Variants in ZNF749 observed in about 807,000 individuals in gnomAD.
ZNF749 encodes zinc finger protein 749.
Under a neutral mutation model 7.3 loss-of-function variants are expected in ZNF749, and 8 were observed. The observed-to-expected ratio is 1.10, with a 90% CI of 0.64 to 1.98. The LOEUF is 1.98. ZNF749 is among the 30% of genes most tolerant of loss of function. The pLI is 0.00. For missense variants in ZNF749, 898 were observed against 932.4 expected, an observed-to-expected ratio of 0.96 and a Z score of 0.48; for synonymous variants, 310 against 322.4, an observed-to-expected ratio of 0.96 and a Z score of 0.41.
At chr19:57,432,134 A>G (rs1034110383), upstream of ZNF749, among the ~76,000 whole-genome samples, 5 of 151,850 alleles carry the variant, frequency 3.3e-5, no homozygotes, top group African/African-American at 4.8e-5. Flanking sequence ...CGCCCAGCCT[A>G]TGCTTGAGTT....
chr19:57,435,649 C>A, intron 1 of ZNF749, 56 bp downstream of exon 1: 2 of 1,582,326 alleles, frequency 1.3e-6, no homozygotes, highest in Non-Finnish European at 8.6e-7. Context: ...TGCTGAAGTC[C>A]CAAGGAGCCG....
At chr19:57,432,600 A>C, upstream of ZNF749, among the ~76,000 whole-genome samples, 1 of 151,044 alleles carries the variant, frequency 6.6e-6, no homozygotes, top group Non-Finnish European at 1.5e-5. Context: ...GGGGGACTAA[A>C]CAGAGTCTAA....
At position 57,442,323 on chromosome 19, in the gene ZNF749, A is replaced by C. The variant is rs1485475117; in HGVS notation, c.142+312A>C. Among the ~76,000 whole-genome samples the C allele has an allele frequency of 6.6e-6, 1 of 152,138 alleles. No homozygotes were observed. The highest frequency in any genetic ancestry group is 1.5e-5 in the Non-Finnish European group (1 of 68,030). On this transcript the variant is annotated intron_variant, in intron 2 of 2. Transcript: ENST00000334181. The surrounding 1 kb of genome is among the most constrained non-coding windows in gnomAD (Gnocchi z 6.6). ...TTGATTACTCTGTCCAAATGTGTGAAACCTCTGTCCAAGGGTTTCCCTGTT... is the reference window on the plus strand; with the variant it reads ...TTGATTACTCTGTCCAAATGTGTGACACCTCTGTCCAAGGGTTTCCCTGTT...
upstream of ZNF749, among the ~76,000 whole-genome samples, chr19:57,434,906 T>C (rs1004449259): frequency 6.6e-6 from 1 of 152,224 alleles, no homozygotes; most frequent in Non-Finnish European, 1.5e-5. Flanking sequence ...CAGTTCATTA[T>C]GGTCAGCCAT....
At chr19:57,433,286 T>G (rs1436022251), upstream of ZNF749, among the ~76,000 whole-genome samples, 3 of 152,206 alleles carry the variant, frequency 2.0e-5, no homozygotes, top group Admixed American at 2.0e-4. Flanking sequence ...CTTAGCCATT[T>G]TAAGCGAGTT....
chr19:57,441,443 T>C (rs2088988394), intron 1 of ZNF749, among the ~76,000 whole-genome samples: 1 of 152,138 alleles, frequency 6.6e-6, no homozygotes, highest in Non-Finnish European at 1.5e-5. Context: ...GAAATAATTT[T>C]AATTACTTTC....
chr19:57,445,607 G>T lies in ZNF749; in HGVS notation c.*122G>T. On this transcript the variant is annotated 3_prime_UTR_variant, in exon 3 of 3. Transcript: ENST00000334181. ...GTTGAAAGAGTTCAGATGGAAATCTGCGAGGATTTCCTGCTGGGAACTACA... is the reference window on the plus strand; with the variant it reads ...GTTGAAAGAGTTCAGATGGAAATCTTCGAGGATTTCCTGCTGGGAACTACA... The T allele has an allele frequency of 2.1e-6, 3 of 1,443,856 alleles. No homozygotes were observed. Among genetic ancestry groups the T allele is most frequent in the Non-Finnish European group, 2.8e-6 (3 of 1,085,968 alleles). The allele number at this position is 1,443,856 out of a possible 1,614,324, so 89.4% of individuals were successfully genotyped here.
Position 57,442,588 on chromosome 19 carries a change from G to A in ZNF749, c.142+577G>A, listed in dbSNP as rs1198925426. Among the ~76,000 whole-genome samples, 3 of 152,174 alleles carry A rather than the reference G, an allele frequency of 2.0e-5. No individual in the cohort carries two copies. The highest frequency in any genetic ancestry group is 7.2e-5 in the African/African-American group (3 of 41,444). On this transcript the variant is annotated intron_variant, in intron 2 of 2. Coordinates refer to ENST00000334181, the MANE Select transcript of ZNF749 (RefSeq NM_001023561.4). The surrounding 1 kb of genome is among the most constrained non-coding windows in gnomAD (Gnocchi z 6.6). ...TAGATAGTTGCTCACCTTGAGCAAG[G>A]GGGAGGTCTCTGGGTGCCTGGCAGA...
intron 1 of ZNF749, among the ~76,000 whole-genome samples, chr19:57,440,116 T>C (rs2088973280): frequency 6.6e-6 from 1 of 151,858 alleles, no homozygotes; most frequent in Non-Finnish European, 1.5e-5. Context: ...GGAAGGGCTT[T>C]TGAGGGGAGA....
chr19:57,432,558 T>A (rs2123084832), upstream of ZNF749, among the ~76,000 whole-genome samples: 1 of 114,950 alleles, frequency 8.7e-6, no homozygotes, highest in Non-Finnish European at 1.7e-5. Context: ...TGAGACTCTG[T>A]CTTAAAAAAA....
Position 57,442,480 on chromosome 19 carries a change from A to G in ZNF749, c.142+469A>G, listed in dbSNP as rs1369257212. On this transcript the variant is annotated intron_variant, in intron 2 of 2. Transcript: ENST00000334181. This position sits in a 1 kb window ranked among gnomAD's most constrained non-coding sequence, Gnocchi z 6.6. Reference sequence around the variant, plus strand: ...GGGTGTTCTGGTAGCTTTAGAATGCAGCATGTCCTGGGTTTATTGCTCTGT... The same window carrying G: ...GGGTGTTCTGGTAGCTTTAGAATGCGGCATGTCCTGGGTTTATTGCTCTGT... 6.6e-6 allele frequency among the ~76,000 whole-genome samples: 1 copy of G among 152,206 alleles called. No homozygotes were observed. The highest frequency in any genetic ancestry group is 1.5e-5 in the Non-Finnish European group (1 of 68,030).
upstream of ZNF749, among the ~76,000 whole-genome samples, chr19:57,432,808 G>A (rs900989244): frequency 1.3e-5 from 2 of 152,146 alleles, no homozygotes; most frequent in African/African-American, 4.8e-5. Context: ...ATGATACATT[G>A]TAACATAATT....
In ZNF749 at chr19:57,435,576, C is replaced by A; in HGVS notation, c.-3C>A. ...CCTGGGTGGACTGGAGGAGGCCGCGCCGATGAACCTGACCGAGGTGCGTGC... is the reference window on the plus strand; with the variant it reads ...CCTGGGTGGACTGGAGGAGGCCGCGACGATGAACCTGACCGAGGTGCGTGC... On this transcript the variant is annotated 5_prime_UTR_variant, in exon 1 of 3. Transcript: ENST00000334181. The A allele has an allele frequency of 6.2e-7, 1 of 1,605,696 alleles. No homozygotes were observed.
rs770583440 is a variant in ZNF749 at position 57,444,045 on chromosome 19, A to G, written c.897A>G (p.Glu299=). 3.7e-6 allele frequency: 6 copies of G among 1,613,874 alleles called. No individual in the cohort carries two copies. Among genetic ancestry groups the G allele is most frequent in the Non-Finnish European group, 4.2e-6 (5 of 1,179,916 alleles). Residue 299 remains glutamate (E), a synonymous_variant, in exon 3 of 3, where the codon GAA becomes GAG. Coordinates refer to ENST00000334181, the MANE Select transcript of ZNF749 (RefSeq NM_001023561.4). ...TTCTCAGTAGACCAACACCTTATGAATGCACCCAGTGTGGGAAGGCCTTTC... is the reference window on the plus strand; with the variant it reads ...TTCTCAGTAGACCAACACCTTATGAGTGCACCCAGTGTGGGAAGGCCTTTC... The part of the protein sequence containing the change: ...QEILSRPTPY[E]CTQCGKAFLT...
chr19:57,443,352 G>A lies in ZNF749; in HGVS notation c.204G>A (p.Val68=). Residue 68 remains valine (V), a synonymous_variant, in exon 3 of 3, where the codon GTG becomes GTA. Transcript: ENST00000334181. ...CCAAGCAGTGTGTTTCTGTAAGAGT[G>A]TTACAGGTCACAATTCCAAAGCCAG... The part of the protein sequence containing the change: ...VPSKQCVSVR[V]LQVTIPKPAL... The A allele has an allele frequency of 2.5e-6, 4 of 1,614,158 alleles. No individual in the cohort carries two copies. The Middle Eastern group carries it at 5.0e-4, about 200-fold the overall frequency.
chr19:57,431,038 CAAAA>C (rs34687490), upstream of ZNF749, among the ~76,000 whole-genome samples: 2 of 93,780 alleles, frequency 2.1e-5, no homozygotes, highest in Middle Eastern at 4.7e-3. Context: ...GACTCTGTCT[CAAAA>C]AAAAAAAAAA....
intron 1 of ZNF749, among the ~76,000 whole-genome samples, chr19:57,437,596 C>T (rs950559686): frequency 6.6e-6 from 1 of 151,616 alleles, no homozygotes; most frequent in Non-Finnish European, 1.5e-5. Context: ...TGGTGGCGGG[C>T]GCCTGTAATC....
the ZNF749 span, among the ~76,000 whole-genome samples, chr19:57,429,068 C>A: frequency 3.2e-4 from 48 of 152,092 alleles, no homozygotes; most frequent in African/African-American, 1.1e-3. This position sits in a 1 kb window ranked among gnomAD's most constrained non-coding sequence, Gnocchi z 4.2. Context: ...CTCTTGTTGC[C>A]CAGGCTGGAG....
chr19:57,443,032 T>C (rs2089008546), intron 2 of ZNF749, among the ~76,000 whole-genome samples: 1 of 152,212 alleles, frequency 6.6e-6, no homozygotes, highest in South Asian at 2.1e-4. Context: ...AAGCCATTTA[T>C]AGAGGAGTGA....
Sources: gnomAD v4.1 joint callset for allele counts (sites outside exome capture counted in the v4.1 genomes callset) on GRCh38, gnomAD v4.1.1 for gene constraint, Gnocchi (gnomAD v3.1) non-coding constraint, MANE v1.5 for transcripts, NCBI Gene and HGNC (gene_info 2026-07-23, HGNC 2026-07-21) for gene names.